FLACC1: variants seen among roughly 807,000 people sequenced by gnomAD.
FLACC1 encodes the protein flagellum-associated coiled-coil domain-containing protein 1.
A neutral mutation model predicts 62.8 loss-of-function variants in FLACC1; 66 were observed. That is an observed-to-expected ratio of 1.05 (90% CI 0.86 to 1.29). FLACC1 has a LOEUF of 1.29. Ranked by LOEUF, FLACC1 falls within the 50% of genes most tolerant of loss-of-function variation. The pLI is 0.00. For missense variants in FLACC1, 452 were observed against 489.1 expected, an observed-to-expected ratio of 0.92 and a Z score of 0.71; for synonymous variants, 156 against 161.0, an observed-to-expected ratio of 0.97 and a Z score of 0.24.
chr2:201,294,046 A>G (rs1307194095), intron 12 of FLACC1, among the ~76,000 whole-genome samples: 1 of 152,190 alleles, frequency 6.6e-6, no homozygotes, highest in Non-Finnish European at 1.5e-5. Flanking sequence ...TACTAACCAA[A>G]AAAAGTCCAG....
intron 12 of FLACC1, among the ~76,000 whole-genome samples, chr2:201,292,434 T>C (rs1476366861): frequency 2.0e-5 from 3 of 152,150 alleles, no homozygotes; most frequent in South Asian, 2.1e-4. Flanking sequence ...CTAAGCTTCA[T>C]GATTGAAGGA....
chr2:201,328,568 G>C (rs1950537656), intron 9 of FLACC1, among the ~76,000 whole-genome samples: 2 of 152,156 alleles, frequency 1.3e-5, no homozygotes, highest in Admixed American at 1.3e-4. Flanking sequence ...TGGGATTACA[G>C]GTGTGTGCCA....
intron 9 of FLACC1, among the ~76,000 whole-genome samples, chr2:201,319,872 G>A (rs1950370957): frequency 6.6e-6 from 1 of 152,172 alleles, no homozygotes; most frequent in Non-Finnish European, 1.5e-5. Context: ...AAAACCAAAG[G>A]AATCTACAGA....
intron 9 of FLACC1, among the ~76,000 whole-genome samples, chr2:201,320,837 A>G (rs1445494154): frequency 6.6e-6 from 1 of 152,192 alleles, no homozygotes; most frequent in Non-Finnish European, 1.5e-5. Flanking sequence ...ACCCCTCTGG[A>G]CAACATAAAG....
intron 14 of FLACC1, 26 bp from the exon 15 acceptor site, chr2:201,288,807 C>T (rs765695545): frequency 5.0e-5 from 81 of 1,609,386 alleles, no homozygotes; most frequent in Non-Finnish European, 6.5e-5. Context: ...AAAGATGTAT[C>T]AATGTCAACT....
chr2:201,334,266 T>C (rs1950650773), intron 7 of FLACC1, among the ~76,000 whole-genome samples: 1 of 152,216 alleles, frequency 6.6e-6, no homozygotes, highest in East Asian at 1.9e-4. Flanking sequence ...ATGTGAGGTA[T>C]CACATTTATT....
intron 12 of FLACC1, among the ~76,000 whole-genome samples, chr2:201,294,586 G>A (rs567565272): frequency 1.3e-3 from 195 of 152,288 alleles, no homozygotes; most frequent in African/African-American, 4.6e-3. Flanking sequence ...GCAAAAACTG[G>A]AAGCATTCCC....
intron 3 of FLACC1, among the ~76,000 whole-genome samples, chr2:201,349,177 G>T (rs1236617917): frequency 6.6e-6 from 1 of 152,150 alleles, no homozygotes; most frequent in East Asian, 1.9e-4. Flanking sequence ...CCTTCTTTGA[G>T]CTCATCTCCC....
intron 9 of FLACC1, among the ~76,000 whole-genome samples, chr2:201,325,371 G>C (rs1307912287): frequency 1.3e-5 from 2 of 151,910 alleles, no homozygotes; most frequent in South Asian, 2.1e-4. Flanking sequence ...GAAACAAAAA[G>C]CTGGTTCTTT....
rs1345589927 is a variant in FLACC1, at chr2:201,350,700, A to G, written c.185+11T>C. 1 of 1,610,720 alleles carries G rather than the reference A, an allele frequency of 6.2e-7. No individual in the cohort carries two copies. The highest frequency in any genetic ancestry group is 1.7e-5 in the Admixed American group (1 of 59,928). On this transcript the variant is annotated intron_variant, in intron 3 of 14. Coordinates refer to ENST00000392257, the MANE Select transcript of FLACC1 (RefSeq NM_001127391.3). ...CATCTCAAAAACAAAACAAAACAAA[A>G]CAATACTTACTTTGGGGAAACAACA...
intron 9 of FLACC1, among the ~76,000 whole-genome samples, chr2:201,323,809 G>GAAAAAAAAAAAAAAAAAAAAATT (rs1950452542): frequency 2.6e-5 from 2 of 77,386 alleles, no homozygotes; most frequent in South Asian, 5.9e-4. Context: ...AAAAAGTAAG[G>GAAAAAAAAAAAAAAAAAAAAATT]AAGGAAGGAA....
At chr2:201,310,267 G>A (rs13015294) in intron 9 of FLACC1, among the ~76,000 whole-genome samples, 51,111 of 151,626 alleles carry the variant, frequency 0.34, 10,117 homozygotes, top group East Asian at 0.47. Context: ...ATACCAAGGA[G>A]TATCTTAAAA....
Position 201,307,537 on chromosome 2 carries a change from G to T in FLACC1, c.861C>A (p.Asn287Lys). ...GAGTTACCTCCTTCTCTTGAATGAA[G>T]TTCTCAAAGACAGCACTGCAGGATT... is the stretch of plus-strand genomic sequence containing the variant. ...INESCSAVFE[N>K]FIQEKEELLK... Residue 287 changes from asparagine (N) to lysine (K), a missense_variant, in exon 11 of 15, where the codon AAC becomes AAA. Physicochemically the swap from Asn to Lys is moderately conservative, Grantham distance 94 (BLOSUM62 0). Transcript: ENST00000392257. 1 of 1,614,040 alleles carries T rather than the reference G, an allele frequency of 6.2e-7. No individual in the cohort carries two copies. Among genetic ancestry groups the T allele is most frequent in the South Asian group, 1.1e-5 (1 of 91,072 alleles).
At chr2:201,313,046 C>T (rs1280492199) in intron 9 of FLACC1, among the ~76,000 whole-genome samples, 2 of 152,196 alleles carry the variant, frequency 1.3e-5, no homozygotes, top group African/African-American at 4.8e-5. Flanking sequence ...AAGGAAGTAG[C>T]AGGAAAAGCC....
intron 9 of FLACC1, among the ~76,000 whole-genome samples, chr2:201,313,454 C>T (rs1009626187): frequency 5.9e-5 from 9 of 152,126 alleles, no homozygotes; most frequent in Non-Finnish European, 8.8e-5. Flanking sequence ...CCCTACTTCC[C>T]TGACAACCTG....
intron 12 of FLACC1, 124 bp downstream of exon 12, chr2:201,299,114 T>G: frequency 1.1e-6 from 1 of 923,428 alleles, no homozygotes; most frequent in South Asian, 1.7e-5. Flanking sequence ...AAACTCAGCT[T>G]TAGGTCTTCC....
intron 7 of FLACC1, among the ~76,000 whole-genome samples, chr2:201,336,006 C>T (rs746772654): frequency 5.3e-5 from 8 of 151,418 alleles, no homozygotes; most frequent in Non-Finnish European, 7.4e-5. Context: ...TTTCTTTTTC[C>T]GTTTTTATTT....
chr2:201,290,577 C>T (rs1576403667), intron 12 of FLACC1, among the ~76,000 whole-genome samples: 1 of 152,204 alleles, frequency 6.6e-6, no homozygotes, highest in African/African-American at 2.4e-5. Flanking sequence ...ATAGGAACAG[C>T]TCCAGTCTAC....
intron 12 of FLACC1, among the ~76,000 whole-genome samples, chr2:201,297,577 T>C (rs901192430): frequency 6.6e-6 from 1 of 152,208 alleles, no homozygotes; most frequent in Non-Finnish European, 1.5e-5. Flanking sequence ...ATACTGCTCA[T>C]GTCCAGTGAG....
Sources: gnomAD v4.1 joint callset for allele counts (sites outside exome capture counted in the v4.1 genomes callset) on GRCh38, gnomAD v4.1.1 for gene constraint, MANE v1.5 for transcripts, NCBI Gene and HGNC (gene_info 2026-07-23, HGNC 2026-07-21) for gene names.